PLPPR1: variants seen among roughly 807,000 people sequenced by gnomAD.
PLPPR1 encodes the protein phospholipid phosphatase-related protein type 1.
Under a neutral mutation model 33.1 loss-of-function variants are expected in PLPPR1, and 10 were observed. That is an observed-to-expected ratio of 0.30 (90% CI 0.19 to 0.51). The LOEUF is 0.51. PLPPR1 is among the 20% of genes least tolerant of loss of function. The probability of loss-of-function intolerance (pLI) is 0.97; values close to 1 mark genes in which losing one functional copy is unlikely to be tolerated. For synonymous variants in PLPPR1, 151 were observed against 151.0 expected (o/e 1.00, Z 0.00); for missense variants, 304 against 408.1 (o/e 0.74, Z 2.20).
chr9:101,125,322 CTACTT>C (rs1424300944), intron 1 of PLPPR1: 12 of 167,602 alleles, frequency 7.2e-5, no homozygotes, highest in South Asian at 3.2e-4. Context: ...TTACTTGTCT[CTACTT>C]TACTTAACTT....
intron 1 of PLPPR1, among the ~76,000 whole-genome samples, chr9:101,156,155 C>T (rs746231134): frequency 1.3e-5 from 2 of 152,144 alleles, no homozygotes; most frequent in Non-Finnish European, 2.9e-5. Flanking sequence ...CTAACAAATA[C>T]ATAAAGTCCT....
chr9:101,227,871 G>T (rs983298934), intron 2 of PLPPR1, among the ~76,000 whole-genome samples: 19 of 152,244 alleles, frequency 1.2e-4, no homozygotes, highest in Middle Eastern at 3.4e-3. Flanking sequence ...CCACCTCCTG[G>T]GTTCAAGCGA....
chr9:101,197,777 T>G (rs1245544996), intron 2 of PLPPR1, among the ~76,000 whole-genome samples: 1 of 152,236 alleles, frequency 6.6e-6, no homozygotes, highest in Non-Finnish European at 1.5e-5. Flanking sequence ...AAATTATTGA[T>G]GTGTGTAGTA....
chr9:101,311,203 G>A (rs1027184201), intron 5 of PLPPR1, among the ~76,000 whole-genome samples: 16 of 152,050 alleles, frequency 1.1e-4, no homozygotes, highest in African/African-American at 3.9e-4. Flanking sequence ...AATGAGATAC[G>A]AAGTTCTTTG....
chr9:101,046,934 C>G lies in PLPPR1; in HGVS notation c.-46+17832C>G, dbSNP rs534055608. On this transcript the variant is annotated intron_variant, in intron 1 of 7. Coordinates refer to ENST00000374874, the MANE Select transcript of PLPPR1 (RefSeq NM_207299.2). ...CCTTTAAAATGGAACTTACTGAAACCCCCCCTTCTTTGGTCACATTGATCT... is the reference window on the plus strand; with the variant it reads ...CCTTTAAAATGGAACTTACTGAAACGCCCCCTTCTTTGGTCACATTGATCT... Among the ~76,000 whole-genome samples the G allele has an allele frequency of 4.0e-5, 6 of 151,820 alleles. No individual in the cohort carries two copies. The South Asian group carries it at 1.0e-3, about 26-fold the overall frequency.
intron 4 of PLPPR1, among the ~76,000 whole-genome samples, chr9:101,293,931 G>A (rs1564029354): frequency 6.6e-6 from 1 of 151,878 alleles, no homozygotes; most frequent in Non-Finnish European, 1.5e-5. Flanking sequence ...AAAGCTAGCA[G>A]AAGGCAAGAA....
intron 1 of PLPPR1, among the ~76,000 whole-genome samples, chr9:101,108,554 GAAC>G (rs1831008482): frequency 6.6e-6 from 1 of 152,220 alleles, no homozygotes; most frequent in Non-Finnish European, 1.5e-5. Context: ...AGTCATGCCA[GAAC>G]AACAGGCATA....
Position 101,156,382 on chromosome 9 carries a change from T to A in PLPPR1, c.-45-29068T>A, listed in dbSNP as rs577997473. Among the ~76,000 whole-genome samples, 6 of 151,846 alleles carry A rather than the reference T, an allele frequency of 4.0e-5. No homozygotes were observed. The East Asian group carries it at 9.7e-4, about 25-fold the overall frequency. On this transcript the variant is annotated intron_variant, in intron 1 of 7. Coordinates refer to ENST00000374874, the MANE Select transcript of PLPPR1 (RefSeq NM_207299.2). ...CTGGGCAACATGGCAAACCCCCATCTCTACAGAAAATACAAAAATCAACCA... is the reference window on the plus strand; with the variant it reads ...CTGGGCAACATGGCAAACCCCCATCACTACAGAAAATACAAAAATCAACCA...
chr9:101,164,689 A>G (rs1825828853), intron 1 of PLPPR1, among the ~76,000 whole-genome samples: 1 of 151,886 alleles, frequency 6.6e-6, no homozygotes. Context: ...GTTTTTTTTC[A>G]TTCCCGTGAT....
chr9:101,157,177 C>T (rs1035204551), intron 1 of PLPPR1, among the ~76,000 whole-genome samples: 2 of 152,178 alleles, frequency 1.3e-5, no homozygotes, highest in African/African-American at 2.4e-5. Context: ...GTCCCCACTT[C>T]ACCTGATTTT....
intron 3 of PLPPR1, among the ~76,000 whole-genome samples, chr9:101,278,545 A>G (rs1828239195): frequency 6.6e-6 from 1 of 152,176 alleles, no homozygotes; most frequent in Non-Finnish European, 1.5e-5. Flanking sequence ...TCCCCCAACC[A>G]TCACAACATT....
At chr9:101,099,838 A>G (rs1162222185) in intron 1 of PLPPR1, among the ~76,000 whole-genome samples, 4 of 152,244 alleles carry the variant, frequency 2.6e-5, no homozygotes, top group Admixed American at 2.6e-4. Flanking sequence ...CTCACCAGAA[A>G]GTGCCCTTCT....
intron 2 of PLPPR1, among the ~76,000 whole-genome samples, chr9:101,222,350 G>T (rs774998230): frequency 5.3e-4 from 81 of 152,274 alleles, no homozygotes; most frequent in Non-Finnish European, 1.0e-3. Context: ...CAGAGAATAT[G>T]GGCAATTGTA....
At chr9:101,188,854 A>G (rs538601359) in intron 2 of PLPPR1, among the ~76,000 whole-genome samples, 7 of 152,198 alleles carry the variant, frequency 4.6e-5, no homozygotes, top group Middle Eastern at 6.8e-3. Context: ...TCGAGCTCTT[A>G]TATGTCATCC....
intron 1 of PLPPR1, among the ~76,000 whole-genome samples, chr9:101,063,028 A>C (rs992451817): frequency 1.3e-5 from 2 of 152,060 alleles, no homozygotes; most frequent in African/African-American, 4.8e-5. Flanking sequence ...TGTTTTTCAT[A>C]TATCACAAGG....
At position 101,185,247 on chromosome 9, in the gene PLPPR1, C is replaced by G. The variant is rs1300673814; in HGVS notation, c.-45-203C>G. ...TGACCTGGTCATTTTGGCTGTAAAA[C>G]TATTCATGGCAAGTATATATTATTT... On this transcript the variant is annotated intron_variant, in intron 1 of 7. Transcript: ENST00000374874. 7.5e-6 allele frequency: 3 copies of G among 402,436 alleles called. No homozygotes were observed. The Admixed American group carries it at 1.3e-4, about 18-fold the overall frequency. 24.9% of individuals were successfully genotyped at this position (402,436 alleles called of 1,614,324 possible).
At chr9:101,301,124 A>G (rs1326681343) in intron 4 of PLPPR1, among the ~76,000 whole-genome samples, 1 of 152,182 alleles carries the variant, frequency 6.6e-6, no homozygotes, top group East Asian at 1.9e-4. Context: ...ATCTTTATTA[A>G]GTAATTATCC....
At chr9:101,290,335 CT>C (rs1828472885) in intron 4 of PLPPR1, among the ~76,000 whole-genome samples, 1 of 152,128 alleles carries the variant, frequency 6.6e-6, no homozygotes, top group Admixed American at 6.5e-5. Flanking sequence ...TGAATTTTCT[CT>C]TGCAGTTTAT....
At chr9:101,114,769 G>A (rs1433047827) in intron 1 of PLPPR1, among the ~76,000 whole-genome samples, 1 of 152,186 alleles carries the variant, frequency 6.6e-6, no homozygotes, top group Non-Finnish European at 1.5e-5. Context: ...TGCTTAGGTA[G>A]AGCTGGTCCC....
Sources: allele counts gnomAD v4.1 joint callset (sites outside exome capture counted in the v4.1 genomes callset), GRCh38; gene constraint gnomAD v4.1.1; transcripts MANE v1.5; gene names NCBI Gene and HGNC (gene_info 2026-07-23, HGNC 2026-07-21).